KIR3DL1: variants seen among roughly 807,000 people sequenced by gnomAD.
KIR3DL1 encodes killer cell immunoglobulin like receptor, three Ig domains and long cytoplasmic tail 1, also known as killer cell immunoglobulin-like receptor 3DL1.
In KIR3DL1, 50 loss-of-function variants were observed where a neutral mutation model predicts 40.3. The ratio of observed to expected loss-of-function variants is 1.24; its 90% confidence interval spans 0.99 to 1.57. KIR3DL1 has a LOEUF of 1.57. Among genes scored for constraint, KIR3DL1 ranks in the 40% most tolerant of loss-of-function variants. The pLI is 0.00. For synonymous variants in KIR3DL1, 257 were observed against 207.2 expected (o/e 1.24, Z -2.07); for missense variants, 661 against 559.9 (o/e 1.18, Z -1.82).
intron 6 of KIR3DL1, among the ~76,000 whole-genome samples, chr19:54,828,933 G>C (rs1243220043): frequency 1.4e-5 from 2 of 141,196 alleles, no homozygotes; most frequent in Middle Eastern, 3.3e-3. Context: ...CGGCAAGAGA[G>C]GGAGCAAGGG....
At chr19:54,823,937 G>T (rs200703215) in intron 5 of KIR3DL1, among the ~76,000 whole-genome samples, 42,208 of 150,498 alleles carry the variant, frequency 0.28, 6,655 homozygotes, top group Non-Finnish European at 0.32. Context: ...TCTTTTGCTC[G>T]TTTTTTAATT....
intron 5 of KIR3DL1, among the ~76,000 whole-genome samples, chr19:54,823,782 GGCC>G (rs2061753886): frequency 6.6e-6 from 1 of 151,518 alleles, no homozygotes; most frequent in Non-Finnish European, 1.5e-5. Context: ...GTGAGCCACC[GGCC>G]TAAAAGGCAT....
chr19:54,818,084 A>C (rs1451309004), intron 2 of KIR3DL1, among the ~76,000 whole-genome samples: 1 of 137,100 alleles, frequency 7.3e-6, no homozygotes, highest in African/African-American at 3.0e-5. Flanking sequence ...GTAATTTTGC[A>C]GTATTAAAAT....
rs1459995811 is a variant in KIR3DL1 at position 54,820,922 on chromosome 19, G to A, written c.656-643G>A. On this transcript the variant is annotated intron_variant, in intron 4 of 8. Transcript: ENST00000391728. ...AGAGATGATAGATGGATAGATAGAC[G>A]TAGATAGATGATAAATAGGTAGATG... 1.6e-4 allele frequency among the ~76,000 whole-genome samples: 24 copies of A among 151,110 alleles called. 2 individuals are homozygous for A. The East Asian group carries it at 4.1e-3, about 26-fold the overall frequency.
At chr19:54,823,133 C>G (rs1206524117) in intron 5 of KIR3DL1, among the ~76,000 whole-genome samples, 2 of 150,632 alleles carry the variant, frequency 1.3e-5, no homozygotes, top group South Asian at 2.1e-4. Flanking sequence ...CTCCTAGGTT[C>G]AAATGATTGT....
rs763842468 is a variant in KIR3DL1, at chr19:54,818,307, TC to T, written c.71-3del. On this transcript the variant is annotated splice_polypyrimidine_tract_variant and splice_region_variant and intron_variant, in intron 2 of 8. Coordinates refer to ENST00000391728, the Ensembl canonical transcript of KIR3DL1. ...TCCTCTCTAAGGCAGTGCCTCCTTC[TC>T]CCCCAGGTGGTCAGGACAAACCCTT... 111 of 1,593,916 alleles carry T rather than the reference TC, an allele frequency of 7.0e-5. 2 individuals carry two copies. The South Asian group carries it at 1.2e-3, about 17-fold the overall frequency.
At position 54,830,468 on chromosome 19, in the gene KIR3DL1, T is replaced by C. The variant is rs1399860698; in HGVS notation, c.*193T>C. Reference sequence around the variant, plus strand: ...AAATGTCTAGGTCCCCACTGCCTGCTGGAAAGAAAACACACTCCTTTGCTT... The same window carrying C: ...AAATGTCTAGGTCCCCACTGCCTGCCGGAAAGAAAACACACTCCTTTGCTT... On this transcript the variant is annotated 3_prime_UTR_variant, in exon 9 of 9. Transcript: ENST00000391728. 11 of 718,596 alleles carry C rather than the reference T, an allele frequency of 1.5e-5. 3 individuals are homozygous for C. Among genetic ancestry groups the C allele is most frequent in the Non-Finnish European group, 2.2e-5 (10 of 447,162 alleles). The allele number at this position is 718,596 out of a possible 1,614,324, so 44.5% of individuals were successfully genotyped here. A position where few individuals can be genotyped will look rare whatever the true frequency, so the allele number is the denominator to read the frequency against.
intron 4 of KIR3DL1, 61 bp from the exon 5 acceptor site, chr19:54,821,504 G>A: frequency 6.5e-7 from 1 of 1,545,268 alleles, no homozygotes; most frequent in Non-Finnish European, 8.8e-7. Context: ...CTCAGCTCAG[G>A]TATGAGGGGA....
chr19:54,819,901 A>G (rs766260694), exon 4 of KIR3DL1: 5 of 1,612,120 alleles, frequency 3.1e-6, no homozygotes, highest in East Asian at 4.5e-5. Flanking sequence ...CAATTTCTCC[A>G]TCGGTCCCAT....
exon 5 of KIR3DL1, chr19:54,821,794 C>A: frequency 6.2e-7 from 1 of 1,605,828 alleles, no homozygotes; most frequent in Non-Finnish European, 8.5e-7. Context: ...GATGCTTCGG[C>A]TCTTTCCGTC....
Position 54,823,044 on chromosome 19 carries a change from T to TTC in KIR3DL1, c.949+1186_949+1187insTC, listed in dbSNP as rs1556586965. Among the ~76,000 whole-genome samples the TTC allele has an allele frequency of 4.1e-4, 61 of 147,910 alleles. 2 individuals are homozygous for TTC. The highest frequency in any genetic ancestry group is 7.5e-4 in the African/African-American group (30 of 39,786). On this transcript the variant is annotated intron_variant, in intron 5 of 8. Transcript: ENST00000391728. ...TATGAAAGTTCTCTTTTTTTTTTTT[T>TTC]CTTTTTTGAGAAAGAGTTTCCCTCC...
chr19:54,820,123 AAG>A, intron 4 of KIR3DL1, 111 bp downstream of exon 4: 1 of 1,156,642 alleles, frequency 8.6e-7, no homozygotes, highest in Admixed American at 2.0e-5. Flanking sequence ...TTCTTATGGA[AAG>A]AGAGTGACTT....
At chr19:54,824,423 T>C (rs1425507758) in intron 5 of KIR3DL1, among the ~76,000 whole-genome samples, 1 of 151,526 alleles carries the variant, frequency 6.6e-6, no homozygotes, top group Non-Finnish European at 1.5e-5. Flanking sequence ...ACACCTGCAA[T>C]TCCAGCACTT....
chr19:54,824,713 G>A (rs1366731422), intron 5 of KIR3DL1, among the ~76,000 whole-genome samples: 1 of 150,614 alleles, frequency 6.6e-6, no homozygotes, highest in Non-Finnish European at 1.5e-5. Flanking sequence ...GTAAATGCAT[G>A]GATTATATCT....
Position 54,823,356 on chromosome 19 carries a change from A to T in KIR3DL1, c.949+1498A>T, listed in dbSNP as rs568111125. On this transcript the variant is annotated intron_variant, in intron 5 of 8. Transcript: ENST00000391728. Reference sequence around the variant, plus strand: ...CCAGCCTCCTTTTAGTTTTTTAAAGAATTTCCATACTTTTCTCCATAATAG... The same window carrying T: ...CCAGCCTCCTTTTAGTTTTTTAAAGTATTTCCATACTTTTCTCCATAATAG... Among the ~76,000 whole-genome samples, 74 of 151,186 alleles carry T rather than the reference A, an allele frequency of 4.9e-4. 2 individuals carry two copies. Among genetic ancestry groups the T allele is most frequent in the African/African-American group, 1.6e-3 (66 of 40,960 alleles).
intron 2 of KIR3DL1, among the ~76,000 whole-genome samples, chr19:54,817,773 G>C (rs2061424277): frequency 6.7e-6 from 1 of 148,454 alleles, no homozygotes; most frequent in African/African-American, 2.5e-5. Flanking sequence ...GTGAGACTAG[G>C]GTGCTCCAAG....
chr19:54,825,220 T>A lies in KIR3DL1; in HGVS notation c.1000+142T>A. ...CTCTGAACTCCAGACACTCCAACAGTGAAAGGGATCTAGGGCCACCAAAGG... is the reference window on the plus strand; with the variant it reads ...CTCTGAACTCCAGACACTCCAACAGAGAAAGGGATCTAGGGCCACCAAAGG... On this transcript the variant is annotated intron_variant, in intron 6 of 8. Coordinates refer to ENST00000391728, the Ensembl canonical transcript of KIR3DL1. 2.6e-6 allele frequency: 2 copies of A among 755,886 alleles called. 1 individual carries two copies. The highest frequency in any genetic ancestry group is 3.1e-5 in the South Asian group (2 of 64,492). The allele number at this position is 755,886 out of a possible 1,614,324, so 46.8% of individuals were successfully genotyped here.
rs1601315658 is a variant in KIR3DL1 at position 54,818,573 on chromosome 19, G to A, written c.329G>A (p.Ser110Asn). The A allele has an allele frequency of 5.0e-6, 8 of 1,610,974 alleles. No individual in the cohort carries two copies. The South Asian group carries it at 7.7e-5, about 16-fold the overall frequency. ...TCCCCCACTGGGTGGTCGGCACCCA[G>A]CAACCCCGTGGTGATCATGGTCACA... The change falls in exon 3 of 9, where the codon AGC (serine) becomes AAC (asparagine). Residue 110 changes from serine (S) to asparagine (N), a missense_variant. By Grantham distance (46) the Ser-to-Asn change is conservative (BLOSUM62 1). Transcript: ENST00000391728.
chr19:54,827,096 T>A (rs1043787014), intron 6 of KIR3DL1, among the ~76,000 whole-genome samples: 1 of 151,444 alleles, frequency 6.6e-6, no homozygotes, highest in African/African-American at 2.4e-5. Context: ...AGACCCTAAG[T>A]GGATGAAGCA....
Sources: gnomAD v4.1 joint callset for allele counts (sites outside exome capture counted in the v4.1 genomes callset) on GRCh38, gnomAD v4.1.1 for gene constraint, MANE v1.5 for transcripts, NCBI Gene and HGNC (gene_info 2026-07-23, HGNC 2026-07-21) for gene names.